The following CERS3 variants were observed in gnomAD, a reference collection of about 807,000 sequenced individuals.
CERS3 encodes the protein LAG1 homolog, ceramide synthase 3.
Under a neutral mutation model 50.3 loss-of-function variants are expected in CERS3, and 33 were observed. The observed-to-expected ratio is 0.66, with a 90% CI of 0.50 to 0.88. The LOEUF (loss-of-function observed/expected upper bound fraction) is 0.88. CERS3 is among the 40% of genes least tolerant of loss of function. CERS3 has a pLI of 0.00. For synonymous variants in CERS3, 176 were observed against 155.2 expected (o/e 1.13, Z -0.99); for missense variants, 470 against 460.3 (o/e 1.02, Z -0.19).
At position 100,402,367 on chromosome 15, in the gene CERS3, C is replaced by T. The variant is rs2142035661; in HGVS notation, c.*346G>A. 4.8e-6 allele frequency: 1 copy of T among 206,262 alleles called. No individual in the cohort carries two copies. The highest frequency in any genetic ancestry group is 1.3e-4 in the East Asian group (1 of 7,604). 12.8% of individuals were successfully genotyped at this position (206,262 alleles called of 1,614,324 possible). ...GATCACTTAGCACCTGTGAAAGCGT[C>T]CTGAGGACAGGCAAGGTGGCGAGGC... On this transcript the variant is annotated 3_prime_UTR_variant, in exon 12 of 12. Transcript: ENST00000679737.
chr15:100,483,774 A>ACT (rs57717716), intron 5 of CERS3, among the ~76,000 whole-genome samples: 1 of 130,822 alleles, frequency 7.6e-6, no homozygotes, highest in Non-Finnish European at 1.6e-5. Context: ...TAATAATAAT[A>ACT]ATTATTATTA....
chr15:100,417,979 G>T (rs1272239141), intron 11 of CERS3, among the ~76,000 whole-genome samples: 1 of 152,058 alleles, frequency 6.6e-6, no homozygotes, highest in Non-Finnish European at 1.5e-5. Context: ...CAAAGATGGG[G>T]AAAAAACAGA....
At chr15:100,507,689 A>G (rs1297448564) in intron 2 of CERS3, among the ~76,000 whole-genome samples, 2 of 152,210 alleles carry the variant, frequency 1.3e-5, no homozygotes, top group Non-Finnish European at 2.9e-5. Context: ...TGCCTTTCCC[A>G]TTGTGAATGC....
At chr15:100,413,775 A>AG (rs1239292204) in intron 11 of CERS3, among the ~76,000 whole-genome samples, 1 of 148,540 alleles carries the variant, frequency 6.7e-6, no homozygotes. Flanking sequence ...AAATACAAGA[A>AG]AAAAAAAAAA....
chr15:100,424,684 C>T (rs1330200201), intron 11 of CERS3, among the ~76,000 whole-genome samples: 2 of 152,186 alleles, frequency 1.3e-5, no homozygotes, highest in Non-Finnish European at 2.9e-5. Flanking sequence ...AGTGACCTGG[C>T]TGCTTATGAC....
intron 1 of CERS3, among the ~76,000 whole-genome samples, chr15:100,536,950 T>C (rs1397760754): frequency 6.6e-6 from 1 of 152,232 alleles, no homozygotes; most frequent in Non-Finnish European, 1.5e-5. Flanking sequence ...TAGCCATCAT[T>C]CATCTGACAC....
chr15:100,427,761 T>C (rs1004323826), intron 11 of CERS3, among the ~76,000 whole-genome samples: 4 of 152,230 alleles, frequency 2.6e-5, no homozygotes, highest in Non-Finnish European at 2.9e-5. Context: ...TTCTAACAAG[T>C]CTTCCTCATA....
intron 11 of CERS3, among the ~76,000 whole-genome samples, chr15:100,451,625 T>G (rs2034172829): frequency 6.6e-6 from 1 of 152,140 alleles, no homozygotes; most frequent in Admixed American, 6.5e-5. Flanking sequence ...GAGAATGGCG[T>G]GAACCTGGGA....
chr15:100,419,037 C>A (rs199810862), intron 11 of CERS3, among the ~76,000 whole-genome samples: 64,450 of 122,048 alleles, frequency 0.53, 17,025 homozygotes, highest in Non-Finnish European at 0.57. Context: ...CGAGCAAAAT[C>A]ACCAGCTAAC....
rs2030488201 is a variant in CERS3, at chr15:100,401,112, G to C, written c.*1601C>G. 6.6e-6 allele frequency: 1 copy of C among 152,216 alleles called. No individual in the cohort carries two copies. The highest frequency in any genetic ancestry group is 2.4e-5 in the African/African-American group (1 of 41,454). The allele number at this position is 152,216 out of a possible 1,614,324, so 9.4% of individuals were successfully genotyped here. A position where few individuals can be genotyped will look rare whatever the true frequency, so the allele number is the denominator to read the frequency against. On this transcript the variant is annotated 3_prime_UTR_variant, in exon 12 of 12. Coordinates refer to ENST00000679737, the MANE Select transcript of CERS3 (RefSeq NM_001378789.1). ...TCTGTGCAGTGTCCTTCCGGCTCCA[G>C]GGGCCCTGCAGCTGCTCTGCTTGGG...
At chr15:100,417,285 G>T (rs2587838) in intron 11 of CERS3, among the ~76,000 whole-genome samples, 7 of 151,444 alleles carry the variant, frequency 4.6e-5, no homozygotes, top group Non-Finnish European at 1.0e-4. Flanking sequence ...GCAAGGGGTC[G>T]GGGAGTTCCC....
At chr15:100,457,811 C>A (rs749655340) in intron 10 of CERS3, among the ~76,000 whole-genome samples, 1 of 152,110 alleles carries the variant, frequency 6.6e-6, no homozygotes, top group Non-Finnish European at 1.5e-5. Context: ...TTGTTCTATA[C>A]CTTTGTTGGT....
At chr15:100,419,633 T>C (rs1235025783) in intron 11 of CERS3, among the ~76,000 whole-genome samples, 1 of 150,584 alleles carries the variant, frequency 6.6e-6, no homozygotes, top group African/African-American at 2.5e-5. Flanking sequence ...ATATACATTT[T>C]TTTCAGCACC....
chr15:100,408,729 T>C (rs1190316007), intron 11 of CERS3: 1 of 152,120 alleles, frequency 6.6e-6, no homozygotes, highest in Non-Finnish European at 1.5e-5. Context: ...AAATTGGAAA[T>C]CAATAAATCT....
At chr15:100,422,894 A>T (rs2032544873) in intron 11 of CERS3, among the ~76,000 whole-genome samples, 1 of 128,848 alleles carries the variant, frequency 7.8e-6, no homozygotes, top group Non-Finnish European at 1.6e-5. Flanking sequence ...ATGAGATCAC[A>T]TGGACACAGG....
At position 100,472,907 on chromosome 15, in the gene CERS3, T is replaced by C; in HGVS notation, c.738+17A>G. On this transcript the variant is annotated intron_variant, in intron 9 of 11. Coordinates refer to ENST00000679737, the MANE Select transcript of CERS3 (RefSeq NM_001378789.1). ...GGACATGGTATTGTCATTAGTTTTT[T>C]AATGGCAAACGTTTACCTCCAGCCA... The C allele has an allele frequency of 6.2e-7, 1 of 1,613,782 alleles. No homozygotes were observed. Among genetic ancestry groups the C allele is most frequent in the Non-Finnish European group, 8.5e-7 (1 of 1,179,760 alleles).
intron 3 of CERS3, among the ~76,000 whole-genome samples, chr15:100,501,162 T>G (rs974261474): frequency 6.6e-6 from 1 of 152,230 alleles, no homozygotes; most frequent in African/African-American, 2.4e-5. Flanking sequence ...TTCCTTGCAC[T>G]TTAGAACGAA....
intron 2 of CERS3, among the ~76,000 whole-genome samples, chr15:100,519,116 G>A (rs527274732): frequency 3.0e-4 from 46 of 151,780 alleles, no homozygotes; most frequent in African/African-American, 1.1e-3. Context: ...CTGAGATCGC[G>A]TCACTGTACT....
intron 2 of CERS3, among the ~76,000 whole-genome samples, chr15:100,512,910 T>C (rs1361453146): frequency 6.6e-6 from 1 of 152,220 alleles, no homozygotes; most frequent in Non-Finnish European, 1.5e-5. Flanking sequence ...AAGATGTGAT[T>C]CTGCCCTTTT....
Sources: gnomAD v4.1 joint callset for allele counts (sites outside exome capture counted in the v4.1 genomes callset) on GRCh38, gnomAD v4.1.1 for gene constraint, MANE v1.5 for transcripts, NCBI Gene and HGNC (gene_info 2026-07-23, HGNC 2026-07-21) for gene names.